The following SUPT6H variants were observed in gnomAD, a reference collection of about 807,000 sequenced individuals.
The protein encoded by SUPT6H is transcription elongation factor SPT6.
In SUPT6H, 11 loss-of-function variants were observed where a neutral mutation model predicts 222.3. That is an observed-to-expected ratio of 0.05 (90% CI 0.03 to 0.08). The LOEUF (loss-of-function observed/expected upper bound fraction) is 0.08. SUPT6H is among the 10% of genes least tolerant of loss of function. The probability of loss-of-function intolerance (pLI) is 1.00; values close to 1 mark genes in which losing one functional copy is unlikely to be tolerated. For missense variants in SUPT6H, 1,422 were observed against 2,216.0 expected (o/e 0.64, Z 7.19); for synonymous variants, 762 against 801.2 (o/e 0.95, Z 0.83).
chr17:28,667,518 C>CGT (rs146070299), intron 1 of SUPT6H, among the ~76,000 whole-genome samples: 161 of 117,866 alleles, frequency 1.4e-3, no homozygotes, highest in Middle Eastern at 5.9e-3. Context: ...TATATAAATA[C>CGT]GTGTGTGTGT....
chr17:28,700,533 G>A (rs1437972448), intron 35 of SUPT6H, 21 bp downstream of exon 35: 10 of 1,608,720 alleles, frequency 6.2e-6, no homozygotes, highest in Admixed American at 1.7e-5. Flanking sequence ...TGGGGAGGAA[G>A]CTCCCTGTGC....
chr17:28,681,627 A>G (rs919409197), intron 12 of SUPT6H, among the ~76,000 whole-genome samples: 2 of 151,864 alleles, frequency 1.3e-5, no homozygotes, highest in African/African-American at 2.4e-5. Flanking sequence ...AGGCTGAGGC[A>G]TGCCTGAACC....
At chr17:28,701,165 G>T (rs1452357548) in intron 36 of SUPT6H, 37 bp downstream of exon 36, 2 of 1,574,764 alleles carry the variant, frequency 1.3e-6, no homozygotes, top group East Asian at 2.2e-5. Context: ...CAGGTCAGTG[G>T]TAGGGGCAGG....
intron 11 of SUPT6H, 146 bp downstream of exon 11, chr17:28,679,109 T>A: frequency 9.2e-7 from 1 of 1,086,862 alleles, no homozygotes; most frequent in Non-Finnish European, 1.3e-6. Flanking sequence ...CAGTGGCTCA[T>A]GCCTGTAATC....
At chr17:28,698,410 C>T (rs1488069608) in intron 32 of SUPT6H, among the ~76,000 whole-genome samples, 1 of 152,242 alleles carries the variant, frequency 6.6e-6, no homozygotes, top group Non-Finnish European at 1.5e-5. Flanking sequence ...CTCACTGTTG[C>T]TGTAATGTGC....
At chr17:28,687,003 G>T in intron 21 of SUPT6H, 85 bp from the exon 22 acceptor site, 2 of 1,551,046 alleles carry the variant, frequency 1.3e-6, no homozygotes, top group South Asian at 1.2e-5. Context: ...CAGAGAAAAT[G>T]ATTTAAACCA....
chr17:28,662,471 C>A (rs1387747856), intron 1 of SUPT6H, 129 bp downstream of exon 1: 1 of 152,738 alleles, frequency 6.5e-6, no homozygotes, highest in Non-Finnish European at 1.5e-5. Flanking sequence ...CCTGGCCTTC[C>A]CTGCTCTATG....
chr17:28,667,405 G>GTGTGTATA (rs1465539733), intron 1 of SUPT6H, among the ~76,000 whole-genome samples: 3 of 49,304 alleles, frequency 6.1e-5, no homozygotes, highest in African/African-American at 8.0e-5. Flanking sequence ...GTGTGTGTGT[G>GTGTGTATA]TATATATATA....
intron 1 of SUPT6H, among the ~76,000 whole-genome samples, chr17:28,662,798 C>T (rs368825940): frequency 3.1e-4 from 47 of 152,286 alleles, no homozygotes; most frequent in African/African-American, 1.1e-3. Context: ...CTGAATAATA[C>T]AAATAGAACT....
intron 1 of SUPT6H, among the ~76,000 whole-genome samples, chr17:28,669,733 G>A (rs184437568): frequency 0.018 from 2,719 of 152,220 alleles, 29 homozygotes; most frequent in Non-Finnish European, 0.026. Context: ...TCAGGAGTTC[G>A]AGACCAGCCT....
intron 11 of SUPT6H, among the ~76,000 whole-genome samples, chr17:28,680,680 C>CT (rs1223116361): frequency 4.6e-5 from 7 of 152,314 alleles, no homozygotes; most frequent in African/African-American, 1.7e-4. Flanking sequence ...TGAGAGGAGT[C>CT]TCACTCTGTC....
At chr17:28,671,295 A>G (rs959884283) in intron 1 of SUPT6H, 1 of 152,250 alleles carries the variant, frequency 6.6e-6, no homozygotes, top group African/African-American at 2.4e-5. Context: ...TTTGTTGCTA[A>G]TGTGTTGCAG....
In SUPT6H at chr17:28,686,390, G is replaced by A. The variant is rs1229163609; in HGVS notation, c.2539G>A (p.Val847Ile). The change falls in exon 20 of 37, where the codon GTA (valine) becomes ATA (isoleucine). Residue 847 changes from valine to isoleucine, a missense_variant. Around this residue, in one of 13 missense-constraint regions of SUPT6H, gnomAD observed 294 missense variants for 382.1 expected, o/e 0.77. Transcript: ENST00000314616. ...KKFLLNKKPH[V>I]VTVAGENRDA... ...ATTTCTCCTGAATAAGAAGCCTCAT[G>A]TAGTGACAGTTGCAGGAGAGAACAG... is the stretch of plus-strand genomic sequence containing the variant. 1.9e-6 allele frequency: 3 copies of A among 1,614,114 alleles called. No homozygotes were observed. The highest frequency in any genetic ancestry group is 4.5e-5 in the East Asian group (2 of 44,900).
Position 28,699,716 on chromosome 17 carries a change from G to A in SUPT6H, c.4449-65G>A, listed in dbSNP as rs549195649. ...TGGCTACTTCACATGGTGGGCATCT[G>A]TTCTGGTCGCTCTTGTGGTGGGTCC... On this transcript the variant is annotated intron_variant, in intron 32 of 36. Transcript: ENST00000314616. The A allele has an allele frequency of 9.5e-5, 128 of 1,354,386 alleles. 2 individuals carry two copies. The African/African-American group carries it at 1.3e-3, about 14-fold the overall frequency. The allele number at this position is 1,354,386 out of a possible 1,614,324, so 83.9% of individuals were successfully genotyped here.
chr17:28,695,804 A>G (rs1392963287), intron 29 of SUPT6H, among the ~76,000 whole-genome samples: 2 of 152,150 alleles, frequency 1.3e-5, no homozygotes, highest in Non-Finnish European at 2.9e-5. Context: ...GCCCAGGTGA[A>G]CATGTCCTTC....
chr17:28,699,677 C>T, intron 32 of SUPT6H, 104 bp from the exon 33 acceptor site: 1 of 939,004 alleles, frequency 1.1e-6, no homozygotes, highest in Non-Finnish European at 1.8e-6. Context: ...TCTCCTTTCC[C>T]CTAGCACCCA....
rs201577643 is a variant in SUPT6H at position 28,683,836 on chromosome 17, ATTTTTTT to A, written c.2229+30_2229+36del. On this transcript the variant is annotated intron_variant, in intron 17 of 36. Coordinates refer to ENST00000314616, the MANE Select transcript of SUPT6H (RefSeq NM_003170.5). ...ATAAAGGTGAGGACAGAGACTCATG[ATTTTTTT>A]TTTTTTTTTGGTGACAGAGTCTTGC... is the stretch of plus-strand genomic sequence containing the variant. The A allele has an allele frequency of 9.1e-7, 1 of 1,097,376 alleles. No individual in the cohort carries two copies. The highest frequency in any genetic ancestry group is 2.8e-5 in the Admixed American group (1 of 35,576). 68.0% of individuals were successfully genotyped at this position (1,097,376 alleles called of 1,614,324 possible). A position where few individuals can be genotyped will look rare whatever the true frequency, so the allele number is the denominator to read the frequency against.
chr17:28,686,579 C>A, intron 20 of SUPT6H, 75 bp from the exon 21 acceptor site: 1 of 1,547,828 alleles, frequency 6.5e-7, no homozygotes, highest in Non-Finnish European at 8.7e-7. Flanking sequence ...TCCCCTACCT[C>A]TTCACCCCCA....
chr17:28,681,416 A>G lies in SUPT6H; in HGVS notation c.1498+12A>G. On this transcript the variant is annotated intron_variant, in intron 12 of 36. Transcript: ENST00000314616. Reference sequence around the variant, plus strand: ...GGGAGATGAAGAAGGTTAGTGCTGGAAAAGAAAATCCAGGAGATTTGATGG... The same window carrying G: ...GGGAGATGAAGAAGGTTAGTGCTGGGAAAGAAAATCCAGGAGATTTGATGG... The G allele has an allele frequency of 6.3e-7, 1 of 1,575,934 alleles. No homozygotes were observed. Among genetic ancestry groups the G allele is most frequent in the Non-Finnish European group, 8.6e-7 (1 of 1,164,242 alleles).
Sources: gnomAD v4.1 joint callset for allele counts (sites outside exome capture counted in the v4.1 genomes callset) on GRCh38, gnomAD v4.1.1 for gene constraint, gnomAD v4.1.1 regional missense constraint, MANE v1.5 for transcripts, NCBI Gene and HGNC (gene_info 2026-07-23, HGNC 2026-07-21) for gene names.